The following HTRA1 variants were observed in gnomAD, a reference collection of about 807,000 sequenced individuals.
HTRA1 encodes the protein HtrA serine peptidase 1.
Under a neutral mutation model 49.7 loss-of-function variants are expected in HTRA1, and 26 were observed. That is an observed-to-expected ratio of 0.52 (90% CI 0.38 to 0.73). The LOEUF (loss-of-function observed/expected upper bound fraction) is 0.73, where lower values mean the gene tolerates loss of function less well. HTRA1 is among the 30% of genes least tolerant of loss of function. HTRA1 has a pLI of 0.00. For missense variants in HTRA1, 561 were observed against 667.2 expected, an observed-to-expected ratio of 0.84 and a Z score of 1.75; for synonymous variants, 291 against 286.9, an observed-to-expected ratio of 1.01 and a Z score of -0.14.
intron 1 of HTRA1, among the ~76,000 whole-genome samples, chr10:122,463,938 T>C (rs1056263311): frequency 4.0e-5 from 6 of 151,808 alleles, no homozygotes; most frequent in African/African-American, 1.5e-4. Context: ...GCAGCAGGAG[T>C]GAGCCAGGCT....
rs568331743 is a variant in HTRA1 at position 122,480,199 on chromosome 10, G to A, written c.473-8703G>A. ...TGTACGGGGCAGAAGTGGGCATGGA[G>A]GCATTAACTTAGAGCCGAAAGGTGT... is the stretch of plus-strand genomic sequence containing the variant. On this transcript the variant is annotated intron_variant, in intron 1 of 8. Transcript: ENST00000368984. Among the ~76,000 whole-genome samples the A allele has an allele frequency of 3.3e-5, 5 of 152,328 alleles. No individual in the cohort carries two copies. The East Asian group carries it at 9.7e-4, about 29-fold the overall frequency.
At chr10:122,504,179 G>T (rs1016018388) in intron 3 of HTRA1, among the ~76,000 whole-genome samples, 1 of 152,174 alleles carries the variant, frequency 6.6e-6, no homozygotes, top group Non-Finnish European at 1.5e-5. Context: ...CCCTGCCTGG[G>T]GGCTCCCCCG....
chr10:122,489,337 G>A (rs2133438594), intron 2 of HTRA1, 85 bp from the exon 3 acceptor site: 1 of 1,225,754 alleles, frequency 8.2e-7, no homozygotes, highest in East Asian at 2.3e-5. Flanking sequence ...GGTGTGTGTG[G>A]CTGTTGCACA....
At chr10:122,475,301 C>T (rs1462491158) in intron 1 of HTRA1, among the ~76,000 whole-genome samples, 1 of 152,208 alleles carries the variant, frequency 6.6e-6, no homozygotes, top group East Asian at 1.9e-4. Context: ...CACTTGGAGC[C>T]GTCTGGGAGA....
chr10:122,477,779 G>C (rs866703271), intron 1 of HTRA1, among the ~76,000 whole-genome samples: 2 of 151,748 alleles, frequency 1.3e-5, no homozygotes, highest in African/African-American at 4.9e-5. Flanking sequence ...TTTCATGGTC[G>C]AGAGGTTGCT....
In HTRA1 at chr10:122,461,604, T is replaced by C; in HGVS notation, c.-49T>C. The C allele has an allele frequency of 8.4e-7, 1 of 1,195,432 alleles. No homozygotes were observed. The highest frequency in any genetic ancestry group is 1.1e-6 in the Non-Finnish European group (1 of 917,782). 74.1% of individuals were successfully genotyped at this position (1,195,432 alleles called of 1,614,324 possible). A position where few individuals can be genotyped will look rare whatever the true frequency, so the allele number is the denominator to read the frequency against. On this transcript the variant is annotated 5_prime_UTR_variant, in exon 1 of 9. Coordinates refer to ENST00000368984, the MANE Select transcript of HTRA1 (RefSeq NM_002775.5). ...TCCTGCACTCTCCCCGGCGCCGCTC[T>C]CCGGCCCTCGCCCTGTCCGCCGCCA...
chr10:122,462,475 A>G (rs2097481948), intron 1 of HTRA1, among the ~76,000 whole-genome samples: 2 of 152,234 alleles, frequency 1.3e-5, no homozygotes, highest in Admixed American at 1.3e-4. Context: ...GGAAGGAGAG[A>G]AGTTCAGGAC....
rs2097501838 is a variant in HTRA1 at position 122,503,654 on chromosome 10, T to G, written c.778-3037T>G. Among the ~76,000 whole-genome samples the G allele has an allele frequency of 2.0e-5, 3 of 152,164 alleles. No homozygotes were observed. In the South Asian group the frequency reaches 6.2e-4, roughly 32 times the overall value. On this transcript the variant is annotated intron_variant, in intron 3 of 8. Coordinates refer to ENST00000368984, the MANE Select transcript of HTRA1 (RefSeq NM_002775.5). The stretch of plus-strand genomic sequence containing the variant: ...TGCCCATCATCTGTAAGCCTCAGTA[T>G]CCACATCTTTAAAATGGGGGGAAAA...
chr10:122,476,170 G>C (rs977665738), intron 1 of HTRA1, among the ~76,000 whole-genome samples: 2 of 152,160 alleles, frequency 1.3e-5, no homozygotes, highest in Admixed American at 6.5e-5. Flanking sequence ...AAGTTCCCTG[G>C]AGGAGGAGGA....
Position 122,461,932 on chromosome 10 carries a change from G to A in HTRA1, c.280G>A (p.Gly94Arg). Residue 94 changes from glycine to arginine, a missense_variant, in exon 1 of 9, where the codon GGG becomes AGG. By Grantham distance (125) the Gly-to-Arg change is moderately radical. Coordinates refer to ENST00000368984, the MANE Select transcript of HTRA1 (RefSeq NM_002775.5). The stretch of plus-strand genomic sequence containing the variant: ...GGGGCTGCAGTGCGTGGTGCCCTTC[G>A]GGGTGCCAGCCTCGGCCACGGTGCG... ...GEGLQCVVPF[G>R]VPASATVRRR... 1 of 1,481,898 alleles carries A rather than the reference G, an allele frequency of 6.7e-7. No individual in the cohort carries two copies. Among genetic ancestry groups the A allele is most frequent in the Non-Finnish European group, 8.9e-7 (1 of 1,122,904 alleles). The allele number at this position is 1,481,898 out of a possible 1,614,324, so 91.8% of individuals were successfully genotyped here. A position where few individuals can be genotyped will look rare whatever the true frequency, so the allele number is the denominator to read the frequency against.
intron 1 of HTRA1, among the ~76,000 whole-genome samples, chr10:122,462,735 T>A (rs768798864): frequency 6.6e-6 from 1 of 152,264 alleles, no homozygotes; most frequent in Non-Finnish European, 1.5e-5. Context: ...TTGCTGCCTG[T>A]CTTGCTTTCC....
chr10:122,514,310 G>C lies in HTRA1; in HGVS notation c.1394G>C (p.Gly465Ala). 6.2e-7 allele frequency: 1 copy of C among 1,614,142 alleles called. No homozygotes were observed. The highest frequency in any genetic ancestry group is 8.5e-7 in the Non-Finnish European group (1 of 1,180,010). Reference protein sequence around the residue: ...ESTLNMVVRRGNEDIMITVIP... With the variant: ...ESTLNMVVRRANEDIMITVIP... ...ACCCTGAACATGGTGGTCCGCAGGGGTAATGAAGATATCATGATCACAGTG... is the reference window on the plus strand; with the variant it reads ...ACCCTGAACATGGTGGTCCGCAGGGCTAATGAAGATATCATGATCACAGTG... The change falls in exon 9 of 9, where the codon GGT (glycine) becomes GCT (alanine). Residue 465 changes from glycine to alanine, a missense_variant. Physicochemically the swap from Gly to Ala is moderately conservative, Grantham distance 60. Coordinates refer to ENST00000368984, the MANE Select transcript of HTRA1 (RefSeq NM_002775.5).
At chr10:122,480,398 G>A (rs190056856) in intron 1 of HTRA1, among the ~76,000 whole-genome samples, 69 of 152,268 alleles carry the variant, frequency 4.5e-4, no homozygotes, top group African/African-American at 1.6e-3. Context: ...CAAGAACAGG[G>A]GCAGTGCCCC....
At position 122,461,971 on chromosome 10, in the gene HTRA1, G is replaced by T. The variant is rs1023115624; in HGVS notation, c.319G>T (p.Ala107Ser). The T allele has an allele frequency of 2.0e-6, 3 of 1,509,994 alleles. No homozygotes were observed. In the African/African-American group the frequency reaches 4.3e-5, roughly 22 times the overall value. The allele number at this position is 1,509,994 out of a possible 1,614,324, so 93.5% of individuals were successfully genotyped here. The change falls in exon 1 of 9, where the codon GCC becomes TCC. Residue 107 changes from alanine to serine, a missense_variant. Transcript: ENST00000368984. ...ASATVRRRAQAGLCVCASSEP... is the reference protein window; with the variant it reads ...ASATVRRRAQSGLCVCASSEP... ...GGCCACGGTGCGGCGGCGCGCGCAG[G>T]CCGGCCTCTGTGTGTGCGCCAGCAG... is the stretch of plus-strand genomic sequence containing the variant.
chr10:122,496,228 CTTTTTT>C (rs71026021), intron 3 of HTRA1, among the ~76,000 whole-genome samples: 17 of 75,688 alleles, frequency 2.2e-4, no homozygotes, highest in African/African-American at 8.6e-4. Flanking sequence ...ATTGTGGGTT[CTTTTTT>C]TTTTTTTTTT....
Position 122,463,676 on chromosome 10 carries a change from C to G in HTRA1, c.472+1552C>G, listed in dbSNP as rs566196668. 7.9e-5 allele frequency among the ~76,000 whole-genome samples: 12 copies of G among 152,302 alleles called. No homozygotes were observed. In the South Asian group the frequency reaches 2.3e-3, roughly 29 times the overall value. On this transcript the variant is annotated intron_variant, in intron 1 of 8. Coordinates refer to ENST00000368984, the MANE Select transcript of HTRA1 (RefSeq NM_002775.5). ...GCCACCACACCCAGCTTCTCATTCC[C>G]GTTTTACAGATAGCGGAGCTAAGGT...
intron 1 of HTRA1, among the ~76,000 whole-genome samples, chr10:122,467,449 G>A (rs1185022068): frequency 1.3e-5 from 2 of 152,180 alleles, no homozygotes; most frequent in African/African-American, 4.8e-5. Context: ...TCTTTGAGGA[G>A]GTTGTGGTCA....
At chr10:122,475,614 C>T (rs979675811) in intron 1 of HTRA1, among the ~76,000 whole-genome samples, 8 of 152,232 alleles carry the variant, frequency 5.3e-5, no homozygotes, top group Admixed American at 2.0e-4. Flanking sequence ...TTGCAGACAG[C>T]GGCCCTGATG....
intron 1 of HTRA1, among the ~76,000 whole-genome samples, chr10:122,473,633 A>G (rs1244783662): frequency 5.9e-5 from 9 of 152,138 alleles, no homozygotes; most frequent in Admixed American, 4.6e-4. Flanking sequence ...AAAGTGTACA[A>G]TTTGCTGTTC....
Sources: allele counts gnomAD v4.1 joint callset (sites outside exome capture counted in the v4.1 genomes callset), GRCh38; gene constraint gnomAD v4.1.1; transcripts MANE v1.5; gene names NCBI Gene and HGNC (gene_info 2026-07-23, HGNC 2026-07-21).